MZT1: variants seen among roughly 807,000 people sequenced by gnomAD.
MZT1 encodes the protein mitotic-spindle organizing protein 1.
Under a neutral mutation model 8.5 loss-of-function variants are expected in MZT1, and 8 were observed. The ratio of observed to expected loss-of-function variants is 0.94; its 90% CI spans 0.55 to 1.70. The LOEUF is 1.70. Among genes scored for constraint, MZT1 ranks in the 40% most tolerant of loss-of-function variants. The pLI is 0.00. For synonymous variants in MZT1, 38 were observed against 42.0 expected, an observed-to-expected ratio of 0.90 and a Z score of 0.37; for missense variants, 93 against 108.6, an observed-to-expected ratio of 0.86 and a Z score of 0.64.
chr13:72,720,504 A>C (rs2032581695), intron 1 of MZT1, among the ~76,000 whole-genome samples: 1 of 152,184 alleles, frequency 6.6e-6, no homozygotes, highest in African/African-American at 2.4e-5. Flanking sequence ...TTTAAGTCTA[A>C]GTCTTTCTGA....
At position 72,718,943 on chromosome 13, in the gene MZT1, A is replaced by G; in HGVS notation, c.225+9T>C. ...CTTTATTTAGAATGAACTAATAGGAATCTCCAACCTTCAGTGCTTCAGTAG... is the reference window on the plus strand; with the variant it reads ...CTTTATTTAGAATGAACTAATAGGAGTCTCCAACCTTCAGTGCTTCAGTAG... On this transcript the variant is annotated intron_variant, in intron 2 of 2. Coordinates refer to ENST00000377818, the MANE Select transcript of MZT1 (RefSeq NM_001071775.3). The G allele has an allele frequency of 3.2e-6, 5 of 1,559,868 alleles. No individual in the cohort carries two copies. Among genetic ancestry groups the G allele is most frequent in the East Asian group, 2.3e-5 (1 of 43,688 alleles).
At position 72,710,250 on chromosome 13, in the gene MZT1, T is replaced by C; in HGVS notation, c.*72A>G. 6.6e-7 allele frequency: 1 copy of C among 1,508,120 alleles called. No homozygotes were observed. The allele number at this position is 1,508,120 out of a possible 1,614,324, so 93.4% of individuals were successfully genotyped here. On this transcript the variant is annotated 3_prime_UTR_variant, in exon 3 of 3. Coordinates refer to ENST00000377818, the MANE Select transcript of MZT1 (RefSeq NM_001071775.3). ...CTGCATGCAGTAATTTCATTGTACA[T>C]TCTCAACTACAATGCAATCTTCAAA...
Position 72,709,562 on chromosome 13 carries a change from C to A in MZT1, c.*760G>T, listed in dbSNP as rs1685803783. 1 of 151,886 alleles carries A rather than the reference C, an allele frequency of 6.6e-6. No individual in the cohort carries two copies. Among genetic ancestry groups the A allele is most frequent in the South Asian group, 2.1e-4 (1 of 4,828 alleles). The allele number at this position is 151,886 out of a possible 1,614,324, so 9.4% of individuals were successfully genotyped here. ...GGATATAAAACTTTAAGAAAACATT[C>A]TCAACTAACATTCTCATTAGATGTA... On this transcript the variant is annotated 3_prime_UTR_variant, in exon 3 of 3. Coordinates refer to ENST00000377818, the MANE Select transcript of MZT1 (RefSeq NM_001071775.3).
intron 1 of MZT1, among the ~76,000 whole-genome samples, chr13:72,726,438 G>GA (rs2032658639): frequency 6.6e-6 from 1 of 151,728 alleles, no homozygotes; most frequent in East Asian, 1.9e-4. Context: ...TCTCAAAAAA[G>GA]AAAAAAAGAG....
intron 1 of MZT1, 109 bp downstream of exon 1, chr13:72,727,415 G>A: frequency 1.9e-6 from 2 of 1,071,410 alleles, no homozygotes; most frequent in Non-Finnish European, 1.5e-6. Context: ...CTTGGAAGAT[G>A]CCGTTTGGGG....
rs997880792 is a variant in MZT1 at position 72,726,618 on chromosome 13, G to A, written c.79+906C>T. Among the ~76,000 whole-genome samples, 4 of 151,316 alleles carry A rather than the reference G, an allele frequency of 2.6e-5. No homozygotes were observed. In the East Asian group the frequency reaches 7.8e-4, roughly 29 times the overall value. On this transcript the variant is annotated intron_variant, in intron 1 of 2. Coordinates refer to ENST00000377818, the MANE Select transcript of MZT1 (RefSeq NM_001071775.3). ...TGGATGTGAGTAAAAAGGAGACAAA[G>A]AAAGAAGACTACAAGAGAGAGGCCA...
chr13:72,726,776 A>G (rs1414200668), intron 1 of MZT1, among the ~76,000 whole-genome samples: 4 of 151,298 alleles, frequency 2.6e-5, no homozygotes, highest in South Asian at 2.1e-4. Context: ...AACAGGCTCA[A>G]TGATGTTTAA....
chr13:72,724,600 G>A lies in MZT1; in HGVS notation c.79+2924C>T, dbSNP rs1299792870. On this transcript the variant is annotated intron_variant, in intron 1 of 2. Transcript: ENST00000377818. ...GTCACCCAGTCTGCAGTGCAGTGGC[G>A]CAATCTCAGCTCACGACAACCTTCG... 5.1e-5 allele frequency among the ~76,000 whole-genome samples: 7 copies of A among 137,624 alleles called. 1 individual carries two copies. In the South Asian group the frequency reaches 1.7e-3, roughly 34 times the overall value. 90.3% of individuals were successfully genotyped at this position (137,624 alleles called of 152,430 possible).
chr13:72,717,078 ACTCTTAGC>A lies in MZT1; in HGVS notation c.225+1866_225+1873del, dbSNP rs536957349. 4.6e-5 allele frequency among the ~76,000 whole-genome samples: 7 copies of A among 152,152 alleles called. No homozygotes were observed. In the East Asian group the frequency reaches 1.4e-3, roughly 29 times the overall value. On this transcript the variant is annotated intron_variant, in intron 2 of 2. Transcript: ENST00000377818. Reference sequence around the variant, plus strand: ...AATGTCTTCACAAAAGTGTAGCCACACTCTTAGCCCTGTCTCCAGAACATGTTATTCAG... The same window carrying A: ...AATGTCTTCACAAAAGTGTAGCCACACCTGTCTCCAGAACATGTTATTCAG...
Position 72,719,112 on chromosome 13 carries a change from A to C in MZT1, c.80-15T>G, listed in dbSNP as rs1005173208. On this transcript the variant is annotated splice_polypyrimidine_tract_variant and intron_variant, in intron 1 of 2. Transcript: ENST00000377818. ...CTCAAGCAGAACTGAAAAAAGATAC[A>C]AAAAAAAAAAAAACTTAAGGCTTAC... 90 of 596,274 alleles carry C rather than the reference A, an allele frequency of 1.5e-4. No homozygotes were observed. The highest frequency in any genetic ancestry group is 2.1e-4 in the Non-Finnish European group (84 of 408,588). The allele number at this position is 596,274 out of a possible 1,614,324, so 36.9% of individuals were successfully genotyped here.
At position 72,715,678 on chromosome 13, in the gene MZT1, C is replaced by T. The variant is rs761776418; in HGVS notation, c.225+3274G>A. 1.4e-3 allele frequency among the ~76,000 whole-genome samples: 216 copies of T among 152,116 alleles called. 2 individuals carry two copies. Among genetic ancestry groups the T allele is most frequent in the Admixed American group, 2.0e-3 (31 of 15,268 alleles). On this transcript the variant is annotated intron_variant, in intron 2 of 2. Coordinates refer to ENST00000377818, the MANE Select transcript of MZT1 (RefSeq NM_001071775.3). ...AGCACCATCCTCTTGGTGCTGTACT[C>T]GCTAAAGTGAGTGAATTCTTAAGAG...
In MZT1 at chr13:72,718,995, G is replaced by T. The variant is rs1264603456; in HGVS notation, c.182C>A (p.Ser61Ter). ...CEQGINPEAL[S>*]SVIKELRKAT... is the part of the protein sequence containing the mutation. ...CTTGCGAAGCTCCTTAATAACCGATGATAAAGCTTCTGGGTTAATTCCTTG... is the reference window on the plus strand; with the variant it reads ...CTTGCGAAGCTCCTTAATAACCGATTATAAAGCTTCTGGGTTAATTCCTTG... The change falls in exon 2 of 3, where the codon TCA (serine) becomes TAA (stop). Residue 61 changes from serine to a stop codon, truncating the protein, a stop_gained. Transcript: ENST00000377818. LOFTEE classifies it high-confidence loss of function. The T allele has an allele frequency of 6.3e-7, 1 of 1,592,388 alleles. No individual in the cohort carries two copies.
chr13:72,712,185 T>C (rs1273386655), intron 2 of MZT1, among the ~76,000 whole-genome samples: 1 of 151,832 alleles, frequency 6.6e-6, no homozygotes, highest in Non-Finnish European at 1.5e-5. Flanking sequence ...GTTGTTGCTG[T>C]TGTTGTTTTC....
intron 1 of MZT1, among the ~76,000 whole-genome samples, 199 bp from the exon 2 acceptor site, chr13:72,719,296 T>G (rs1259316767): frequency 6.6e-6 from 1 of 152,202 alleles, no homozygotes; most frequent in Non-Finnish European, 1.5e-5. Flanking sequence ...AACTTACACC[T>G]TCCCTTCACA....
At chr13:72,718,914 G>C in intron 2 of MZT1, 38 bp downstream of exon 2, 1 of 1,509,092 alleles carries the variant, frequency 6.6e-7, no homozygotes, top group African/African-American at 1.4e-5. Context: ...CTAAATAAAA[G>C]CATCTTTATT....
At chr13:72,714,112 G>A (rs1031427830) in intron 2 of MZT1, among the ~76,000 whole-genome samples, 6 of 151,850 alleles carry the variant, frequency 4.0e-5, no homozygotes, top group East Asian at 1.9e-4. Context: ...GACAGTCTCC[G>A]AGGCCCAGGA....
At chr13:72,722,164 G>T (rs895885983) in intron 1 of MZT1, among the ~76,000 whole-genome samples, 1 of 152,178 alleles carries the variant, frequency 6.6e-6, no homozygotes, top group African/African-American at 2.4e-5. Flanking sequence ...AAAAGACAGT[G>T]GTTAGGAGTG....
At chr13:72,713,447 G>T (rs2032506528) in intron 2 of MZT1, among the ~76,000 whole-genome samples, 1 of 152,110 alleles carries the variant, frequency 6.6e-6, no homozygotes, top group Non-Finnish European at 1.5e-5. Flanking sequence ...ATATAAAAGG[G>T]TATAGTATTT....
intron 2 of MZT1, among the ~76,000 whole-genome samples, chr13:72,711,753 G>A (rs1038768035): frequency 6.6e-6 from 1 of 151,654 alleles, no homozygotes; most frequent in Admixed American, 6.6e-5. Context: ...ACACAAGGCA[G>A]GGAGAAGAAC....
Sources: gnomAD v4.1 joint callset for allele counts (sites outside exome capture counted in the v4.1 genomes callset) on GRCh38, gnomAD v4.1.1 for gene constraint, MANE v1.5 for transcripts, NCBI Gene and HGNC (gene_info 2026-07-23, HGNC 2026-07-21) for gene names.